KIAA1217: variants seen among roughly 807,000 people sequenced by gnomAD.
The protein encoded by KIAA1217 is sickle tail protein homolog.
A neutral mutation model predicts 163.9 loss-of-function variants in KIAA1217; 88 were observed. The ratio of observed to expected loss-of-function variants is 0.54; its 90% confidence interval spans 0.45 to 0.64. The LOEUF is 0.64. KIAA1217 is among the 30% of genes least tolerant of loss of function. The pLI is 0.00. For synonymous variants in KIAA1217, 903 were observed against 923.1 expected (o/e 0.98, Z 0.39); for missense variants, 2,372 against 2,475.0 (o/e 0.96, Z 0.88).
At chr10:24,231,089 C>A (rs2071344020) in intron 2 of KIAA1217, among the ~76,000 whole-genome samples, 1 of 152,182 alleles carries the variant, frequency 6.6e-6, no homozygotes, top group South Asian at 2.1e-4. Flanking sequence ...TAACGCTCAT[C>A]CTGCAATGGA....
chr10:23,851,374 G>T (rs1172908010), intron 1 of KIAA1217, among the ~76,000 whole-genome samples: 2 of 152,178 alleles, frequency 1.3e-5, no homozygotes, highest in Admixed American at 1.3e-4. Flanking sequence ...AGTATTCCAT[G>T]ATGTATATGT....
intron 1 of KIAA1217, among the ~76,000 whole-genome samples, chr10:23,903,032 G>A (rs1842016288): frequency 6.6e-6 from 1 of 152,040 alleles, no homozygotes; most frequent in Non-Finnish European, 1.5e-5. Context: ...TAGCTCCTTT[G>A]CACTGTTTTT....
intron 2 of KIAA1217, among the ~76,000 whole-genome samples, chr10:24,163,934 G>A (rs569891861): frequency 3.9e-5 from 6 of 152,296 alleles, no homozygotes; most frequent in African/African-American, 7.2e-5. Context: ...GAGCTGGAAG[G>A]ATCACTCACT....
intron 1 of KIAA1217, among the ~76,000 whole-genome samples, chr10:23,806,874 C>T (rs935781330): frequency 6.6e-6 from 1 of 152,182 alleles, no homozygotes; most frequent in Non-Finnish European, 1.5e-5. Context: ...AGGTGCTTCC[C>T]ACCCCTCTTT....
At chr10:23,980,858 T>G (rs1845735528) in intron 1 of KIAA1217, among the ~76,000 whole-genome samples, 1 of 152,212 alleles carries the variant, frequency 6.6e-6, no homozygotes, top group Non-Finnish European at 1.5e-5. Context: ...TGTAGCTATC[T>G]CCTCCAATTC....
chr10:24,459,057 TAATC>T (rs2062084350), intron 5 of KIAA1217, among the ~76,000 whole-genome samples: 1 of 152,002 alleles, frequency 6.6e-6, no homozygotes, highest in Non-Finnish European at 1.5e-5. Flanking sequence ...TTAGACCCAG[TAATC>T]TGATTTACTA....
At chr10:24,159,766 G>A (rs1479448478) in intron 2 of KIAA1217, among the ~76,000 whole-genome samples, 6 of 152,018 alleles carry the variant, frequency 3.9e-5, no homozygotes, top group African/African-American at 1.4e-4. Flanking sequence ...CTGGGCGACA[G>A]AGCTAGACTC....
At chr10:23,963,509 C>G (rs564408449) in intron 1 of KIAA1217, among the ~76,000 whole-genome samples, 1 of 152,272 alleles carries the variant, frequency 6.6e-6, no homozygotes, top group South Asian at 2.1e-4. Context: ...TTTATCCAGT[C>G]TATCATTAAT....
Position 24,134,172 on chromosome 10 carries a change from G to C in KIAA1217, c.-170-85454G>C, listed in dbSNP as rs375623350. Among the ~76,000 whole-genome samples the C allele has an allele frequency of 9.2e-5, 14 of 152,326 alleles. No homozygotes were observed. In the South Asian group the frequency reaches 1.7e-3, roughly 18 times the overall value. On this transcript the variant is annotated intron_variant, in intron 2 of 18. Transcript: ENST00000376462. ...CATGGAGATGAAGGTGTATGCACCAGACCTTAAAGATAAAGGGATTTAGAT... is the reference window on the plus strand; with the variant it reads ...CATGGAGATGAAGGTGTATGCACCACACCTTAAAGATAAAGGGATTTAGAT...
chr10:24,291,634 GT>G (rs1000808303), intron 2 of KIAA1217, among the ~76,000 whole-genome samples: 1 of 152,102 alleles, frequency 6.6e-6, no homozygotes, highest in African/African-American at 2.4e-5. Flanking sequence ...TAACTTATAG[GT>G]TGTGTCCTGT....
chr10:24,489,476 A>G (rs983115339), intron 6 of KIAA1217, among the ~76,000 whole-genome samples: 4 of 152,018 alleles, frequency 2.6e-5, no homozygotes, highest in African/African-American at 9.7e-5. Context: ...TCATTTACTT[A>G]GATATATAAT....
At chr10:23,903,811 C>T (rs1010535547) in intron 1 of KIAA1217, among the ~76,000 whole-genome samples, 28 of 152,082 alleles carry the variant, frequency 1.8e-4, no homozygotes, top group Non-Finnish European at 3.4e-4. Context: ...TCCTACACCT[C>T]ATCACTTTCT....
intron 1 of KIAA1217, among the ~76,000 whole-genome samples, chr10:23,901,439 G>A (rs1841949775): frequency 6.6e-6 from 1 of 151,940 alleles, no homozygotes; most frequent in South Asian, 2.1e-4. Context: ...CTGATACAAA[G>A]CAAGAAAAAA....
intron 1 of KIAA1217, among the ~76,000 whole-genome samples, chr10:23,994,651 T>A (rs981948346): frequency 6.6e-6 from 1 of 152,192 alleles, no homozygotes; most frequent in East Asian, 1.9e-4. Flanking sequence ...TTCAGCATCA[T>A]CCCACCAGGG....
At chr10:24,147,859 A>AAAAAAAAAAAAAAAAAAAAAAAAAG (rs1564755545) in intron 2 of KIAA1217, among the ~76,000 whole-genome samples, 3 of 146,024 alleles carry the variant, frequency 2.1e-5, no homozygotes, top group African/African-American at 7.8e-5. Flanking sequence ...AAAAAAAAAA[A>AAAAAAAAAAAAAAAAAAAAAAAAAG]AAAGAAAGAA....
intron 2 of KIAA1217, among the ~76,000 whole-genome samples, chr10:24,164,723 C>A (rs1392888209): frequency 6.6e-6 from 1 of 152,086 alleles, no homozygotes; most frequent in Non-Finnish European, 1.5e-5. Context: ...CTTGTGTATC[C>A]CACGTAATTA....
intron 1 of KIAA1217, among the ~76,000 whole-genome samples, chr10:23,957,425 A>C (rs1195052034): frequency 6.6e-6 from 1 of 152,130 alleles, no homozygotes; most frequent in Non-Finnish European, 1.5e-5. Context: ...ATTTTCTCAA[A>C]AGATAAATAA....
At chr10:24,531,576 C>T (rs1281491613) in intron 14 of KIAA1217, among the ~76,000 whole-genome samples, 2 of 151,930 alleles carry the variant, frequency 1.3e-5, no homozygotes, top group African/African-American at 4.8e-5. Context: ...CTTATGACAC[C>T]CCAGAGGAAA....
chr10:24,218,985 T>C (rs1209332729), intron 1 of KIAA1217, among the ~76,000 whole-genome samples: 2 of 152,196 alleles, frequency 1.3e-5, no homozygotes, highest in East Asian at 3.8e-4. Flanking sequence ...AGAATGCAAC[T>C]GTTATTAAAA....
Sources: allele counts gnomAD v4.1 joint callset (sites outside exome capture counted in the v4.1 genomes callset), GRCh38; gene constraint gnomAD v4.1.1; transcripts MANE v1.5; gene names NCBI Gene and HGNC (gene_info 2026-07-23, HGNC 2026-07-21).